Variants in DAP3 observed in about 807,000 individuals in gnomAD.
DAP3 encodes the protein small ribosomal subunit protein mS29.
DAP3 carries 28 observed loss-of-function variants against 51.9 expected under a neutral mutation model. The observed-to-expected ratio is 0.54, with a 90% CI of 0.40 to 0.74. DAP3 has a LOEUF of 0.74. Ranked by LOEUF, DAP3 falls within the 30% of genes least tolerant of loss-of-function variation. The pLI is 0.00. For synonymous variants in DAP3, 170 were observed against 170.3 expected, an observed-to-expected ratio of 1.00 and a Z score of 0.01; for missense variants, 458 against 483.5, an observed-to-expected ratio of 0.95 and a Z score of 0.49.
intron 6 of DAP3, chr1:155,726,910 AC>A (rs1210573745): frequency 6.6e-6 from 1 of 152,186 alleles, no homozygotes; most frequent in African/African-American, 2.4e-5. Flanking sequence ...AGTCAATGTG[AC>A]AAAAGGAAAT....
upstream of DAP3, chr1:155,688,709 C>A: frequency 6.6e-7 from 1 of 1,522,550 alleles, no homozygotes; most frequent in South Asian, 1.2e-5. Context: ...TCTCCTCCCC[C>A]TCCCTCCCCG....
At chr1:155,712,744 G>A (rs543420661) in intron 2 of DAP3, among the ~76,000 whole-genome samples, 4 of 151,856 alleles carry the variant, frequency 2.6e-5, no homozygotes, top group Non-Finnish European at 4.4e-5. Flanking sequence ...GAGACTGTCC[G>A]GGGCAATATA....
Position 155,717,063 on chromosome 1 carries a change from C to G in DAP3, c.103C>G (p.His35Asp). The G allele has an allele frequency of 6.2e-7, 1 of 1,614,066 alleles. No homozygotes were observed. The highest frequency in any genetic ancestry group is 8.5e-7 in the Non-Finnish European group (1 of 1,180,024). ...GTQARQSIAA[H>D]LDNQVPVESP... Reference sequence around the variant, plus strand: ...CCAGGCTCGCCAAAGCATTGCTGCTCACCTAGATAACCAGGTTCCAGTTGA... The same window carrying G: ...CCAGGCTCGCCAAAGCATTGCTGCTGACCTAGATAACCAGGTTCCAGTTGA... Residue 35 changes from histidine to aspartate, a missense_variant, in exon 3 of 13, where the codon CAC becomes GAC. Coordinates refer to ENST00000368336, the MANE Select transcript of DAP3 (RefSeq NM_004632.4).
At chr1:155,737,641 CG>C (rs1659942800) in intron 12 of DAP3, among the ~76,000 whole-genome samples, 1 of 151,884 alleles carries the variant, frequency 6.6e-6, no homozygotes, top group Non-Finnish European at 1.5e-5. Context: ...TAATAGTAAT[CG>C]GAGGCCTGGT....
intron 1 of DAP3, among the ~76,000 whole-genome samples, chr1:155,697,060 A>G (rs1395039335): frequency 6.6e-6 from 1 of 152,180 alleles, no homozygotes. Flanking sequence ...AAGGAGAGAA[A>G]GTGGGTGAAA....
At chr1:155,709,963 G>A in intron 2 of DAP3, 139 bp downstream of exon 2, 2 of 687,798 alleles carry the variant, frequency 2.9e-6, no homozygotes, top group South Asian at 2.7e-5. Flanking sequence ...GAATAATTGT[G>A]CTTGAGAATT....
chr1:155,711,221 A>T (rs185245093), intron 2 of DAP3, among the ~76,000 whole-genome samples: 1 of 152,364 alleles, frequency 6.6e-6, no homozygotes, highest in East Asian at 1.9e-4. Flanking sequence ...GGCCGGGCAC[A>T]GTAGCTCATG....
intron 11 of DAP3, 140 bp downstream of exon 11, chr1:155,732,173 A>G (rs1012412432): frequency 1.7e-6 from 1 of 605,634 alleles, no homozygotes; most frequent in African/African-American, 1.9e-5. Context: ...CTGGATTCCT[A>G]AAATATTAAC....
Position 155,738,696 on chromosome 1 carries a change from G to C in DAP3, c.*454G>C, listed in dbSNP as rs1660034404. 6.5e-6 allele frequency: 1 copy of C among 154,248 alleles called. No homozygotes were observed. Among genetic ancestry groups the C allele is most frequent in the Admixed American group, 6.5e-5 (1 of 15,496 alleles). The allele number at this position is 154,248 out of a possible 1,614,324, so 9.6% of individuals were successfully genotyped here. A position where few individuals can be genotyped will look rare whatever the true frequency, so the allele number is the denominator to read the frequency against. ...CATGTCAAAATTCACAGCTGGCTGG[G>C]CACAGTGGCTCATGCCTGTAATCCC... On this transcript the variant is annotated 3_prime_UTR_variant, in exon 13 of 13. Transcript: ENST00000368336.
At chr1:155,731,538 T>C in intron 10 of DAP3, 123 bp downstream of exon 10, 2 of 934,060 alleles carry the variant, frequency 2.1e-6, no homozygotes, top group Non-Finnish European at 3.3e-6. Flanking sequence ...TTATTATGTC[T>C]TATTTAATTC....
intron 1 of DAP3, among the ~76,000 whole-genome samples, chr1:155,698,438 C>T (rs906989663): frequency 6.6e-5 from 10 of 152,090 alleles, no homozygotes; most frequent in African/African-American, 2.4e-4. Context: ...GTTTGGGGTC[C>T]CTGACTTCCT....
intron 11 of DAP3, among the ~76,000 whole-genome samples, chr1:155,735,253 C>T (rs1264964598): frequency 6.6e-6 from 1 of 151,556 alleles, no homozygotes; most frequent in Admixed American, 6.6e-5. Context: ...GCACTCCAGC[C>T]TGGGAGACAG....
chr1:155,730,239 G>A (rs958757417), intron 9 of DAP3, among the ~76,000 whole-genome samples: 2 of 148,866 alleles, frequency 1.3e-5, no homozygotes, highest in African/African-American at 4.9e-5. Context: ...ATGTATATAT[G>A]TATATATACG....
At position 155,692,643 on chromosome 1, in the gene DAP3, T is replaced by C. The variant is rs1479497860; in HGVS notation, c.-8+3469T>C. On this transcript the variant is annotated intron_variant, in intron 1 of 12. Transcript: ENST00000368336. ...GAGCCTGAGATGCTTTAAAAACCTG[T>C]TCCTTTAATTTGGCTATATTCAGTG... Among the ~76,000 whole-genome samples, 3 of 142,120 alleles carry C rather than the reference T, an allele frequency of 2.1e-5. No homozygotes were observed. In the South Asian group the frequency reaches 6.2e-4, roughly 29 times the overall value. 93.2% of individuals were successfully genotyped at this position (142,120 alleles called of 152,430 possible).
intron 1 of DAP3, among the ~76,000 whole-genome samples, chr1:155,707,701 G>T (rs1234008051): frequency 6.6e-6 from 1 of 151,966 alleles, no homozygotes; most frequent in Non-Finnish European, 1.5e-5. Context: ...TTCTCCCCAG[G>T]AGTAACCATT....
intron 3 of DAP3, among the ~76,000 whole-genome samples, chr1:155,720,808 G>A (rs1657904068): frequency 6.6e-6 from 1 of 152,038 alleles, no homozygotes. Context: ...GGAGGTCGAG[G>A]TGAGCGGATC....
At chr1:155,719,061 C>G (rs1186913256) in intron 3 of DAP3, among the ~76,000 whole-genome samples, 1 of 152,108 alleles carries the variant, frequency 6.6e-6, no homozygotes, top group Non-Finnish European at 1.5e-5. Context: ...CTTTTATATA[C>G]ATACTGGGTT....
intron 10 of DAP3, 37 bp downstream of exon 10, chr1:155,731,452 A>C: frequency 3.1e-6 from 5 of 1,590,496 alleles, no homozygotes; most frequent in Non-Finnish European, 4.3e-6. Flanking sequence ...TTCAGAAAGA[A>C]ATGTATTATC....
intron 1 of DAP3, among the ~76,000 whole-genome samples, chr1:155,698,727 A>G (rs1237623575): frequency 6.6e-6 from 1 of 152,196 alleles, no homozygotes; most frequent in Non-Finnish European, 1.5e-5. Flanking sequence ...AGCATAAAAC[A>G]AATCCATAAG....
Sources: allele counts gnomAD v4.1 joint callset (sites outside exome capture counted in the v4.1 genomes callset), GRCh38; gene constraint gnomAD v4.1.1; transcripts MANE v1.5; gene names NCBI Gene and HGNC (gene_info 2026-07-23, HGNC 2026-07-21).